CHRM3: variants seen among roughly 807,000 people sequenced by gnomAD.
CHRM3 encodes cholinergic receptor muscarinic 3.
CHRM3 carries 11 observed loss-of-function variants against 41.8 expected under a neutral mutation model. The ratio of observed to expected loss-of-function variants is 0.26; its 90% confidence interval spans 0.17 to 0.44. CHRM3 has a LOEUF of 0.44. Among genes scored for constraint, CHRM3 ranks in the 20% least tolerant of loss-of-function variants. The pLI is 1.00. For missense variants in CHRM3, 571 were observed against 745.4 expected (o/e 0.77, Z 2.72); for synonymous variants, 297 against 301.4 (o/e 0.99, Z 0.15).
At chr1:239,474,607 T>C (rs1243105533) in intron 1 of CHRM3, among the ~76,000 whole-genome samples, 1 of 152,060 alleles carries the variant, frequency 6.6e-6, no homozygotes, top group Non-Finnish European at 1.5e-5. Context: ...TATGGAAATA[T>C]AATGAGACAA....
intron 6 of CHRM3, among the ~76,000 whole-genome samples, chr1:239,901,664 T>C (rs1401532493): frequency 6.6e-6 from 1 of 152,190 alleles, no homozygotes; most frequent in Non-Finnish European, 1.5e-5. Flanking sequence ...TTTTAGATGG[T>C]TCTAAGTTAA....
intron 1 of CHRM3, among the ~76,000 whole-genome samples, chr1:239,442,467 TA>T (rs1335851143): frequency 6.6e-6 from 1 of 151,986 alleles, no homozygotes; most frequent in Non-Finnish European, 1.5e-5. Context: ...TTTTTTTCTT[TA>T]AGAGTTTAAA....
chr1:239,881,358 A>G, intron 6 of CHRM3, among the ~76,000 whole-genome samples: 1 of 143,442 alleles, frequency 7.0e-6, no homozygotes, highest in Admixed American at 7.1e-5. Context: ...GTGAGCTGCC[A>G]CCAGCTGGCC....
At chr1:239,544,728 C>T (rs1299937372) in intron 2 of CHRM3, among the ~76,000 whole-genome samples, 1 of 152,218 alleles carries the variant, frequency 6.6e-6, no homozygotes, top group Non-Finnish European at 1.5e-5. Flanking sequence ...CACTTTATAT[C>T]TATCTTGACA....
chr1:239,574,529 T>C (rs1032679027), intron 3 of CHRM3, among the ~76,000 whole-genome samples: 2 of 152,104 alleles, frequency 1.3e-5, no homozygotes, highest in Non-Finnish European at 2.9e-5. Flanking sequence ...CTACCTAGAC[T>C]ACCCTACTTA....
chr1:239,911,584 G>C lies in CHRM3; in HGVS notation c.*2360G>C, dbSNP rs1246128744. On this transcript the variant is annotated 3_prime_UTR_variant, in exon 7 of 7. Coordinates refer to ENST00000676153, the MANE Select transcript of CHRM3 (RefSeq NM_001375978.1). ...AGAAATAGAATTAAATTTGAGAAAAGGAGAAACCCTGAAATTTAACAGAAC... is the reference window on the plus strand; with the variant it reads ...AGAAATAGAATTAAATTTGAGAAAACGAGAAACCCTGAAATTTAACAGAAC... The C allele has an allele frequency of 6.0e-6, 1 of 166,128 alleles. No individual in the cohort carries two copies. Among genetic ancestry groups the C allele is most frequent in the South Asian group, 2.1e-4 (1 of 4,790 alleles). 10.3% of individuals were successfully genotyped at this position (166,128 alleles called of 1,614,324 possible). A position where few individuals can be genotyped will look rare whatever the true frequency, so the allele number is the denominator to read the frequency against.
At chr1:239,670,454 C>T (rs945413376) in intron 4 of CHRM3, among the ~76,000 whole-genome samples, 28 of 152,002 alleles carry the variant, frequency 1.8e-4, no homozygotes, top group African/African-American at 6.3e-4. Flanking sequence ...TTTAAGATTC[C>T]ATTGCATGAC....
At chr1:239,762,431 A>C (rs1253296587) in intron 5 of CHRM3, among the ~76,000 whole-genome samples, 2 of 152,222 alleles carry the variant, frequency 1.3e-5, no homozygotes, top group Non-Finnish European at 2.9e-5. Flanking sequence ...TGCATAGAAC[A>C]AAGTGTGTGG....
intron 6 of CHRM3, among the ~76,000 whole-genome samples, chr1:239,901,677 T>C (rs1679584401): frequency 6.6e-6 from 1 of 152,198 alleles, no homozygotes. Context: ...TAAGTTAATA[T>C]ATATCTAGTT....
intron 1 of CHRM3, among the ~76,000 whole-genome samples, chr1:239,397,430 T>C (rs1299626952): frequency 1.3e-5 from 2 of 152,012 alleles, no homozygotes; most frequent in African/African-American, 4.8e-5. Flanking sequence ...CCCAGCACTT[T>C]GGGAGGTCGA....
At chr1:239,701,499 T>C (rs1660682641) in intron 5 of CHRM3, among the ~76,000 whole-genome samples, 1 of 152,054 alleles carries the variant, frequency 6.6e-6, no homozygotes, top group Non-Finnish European at 1.5e-5. Flanking sequence ...TGTCAAGTTC[T>C]CCTCCTTGTT....
intron 4 of CHRM3, among the ~76,000 whole-genome samples, chr1:239,670,258 C>T (rs1043995566): frequency 2.6e-5 from 4 of 152,134 alleles, no homozygotes; most frequent in Admixed American, 2.6e-4. Flanking sequence ...CATGCCACCC[C>T]CACCCCAAGC....
intron 3 of CHRM3, among the ~76,000 whole-genome samples, chr1:239,563,534 A>T (rs1339307488): frequency 6.6e-6 from 1 of 152,130 alleles, no homozygotes; most frequent in African/African-American, 2.4e-5. Context: ...AATCTAAAAG[A>T]TTTTTCAATA....
At chr1:239,672,610 A>G (rs940570231) in intron 4 of CHRM3, among the ~76,000 whole-genome samples, 6 of 151,342 alleles carry the variant, frequency 4.0e-5, no homozygotes, top group African/African-American at 1.2e-4. Context: ...ACACACACAC[A>G]CACACACACA....
intron 5 of CHRM3, among the ~76,000 whole-genome samples, chr1:239,817,978 C>T (rs1354360952): frequency 6.6e-6 from 1 of 152,172 alleles, no homozygotes; most frequent in Non-Finnish European, 1.5e-5. Context: ...ATTAGACGAG[C>T]TAATAGTATG....
chr1:239,551,758 G>A (rs1229078057), intron 3 of CHRM3, among the ~76,000 whole-genome samples: 1 of 152,124 alleles, frequency 6.6e-6, no homozygotes, highest in East Asian at 1.9e-4. Context: ...TCAAACATGG[G>A]CTAATGAGAT....
At chr1:239,484,884 TA>T (rs1187660432) in intron 1 of CHRM3, among the ~76,000 whole-genome samples, 1 of 151,996 alleles carries the variant, frequency 6.6e-6, no homozygotes, top group Non-Finnish European at 1.5e-5. Context: ...AGGGATCTTA[TA>T]AAAAAGGCCT....
rs6678688 is a variant in CHRM3 at position 239,393,005 on chromosome 1, T to C, written c.-521+5778T>C. On this transcript the variant is annotated intron_variant, in intron 1 of 6. Transcript: ENST00000676153. The stretch of plus-strand genomic sequence containing the variant: ...GTATTTTGTAGACTCACAATCCATA[T>C]AAATTTTGGCTGAGCATAGTGGCAT... Among the ~76,000 whole-genome samples the C allele has an allele frequency of 4.8e-3, 731 of 152,238 alleles. 4 individuals carry two copies. The highest frequency in any genetic ancestry group is 0.017 in the African/African-American group (688 of 41,546).
At chr1:239,576,798 A>G (rs1255873291) in intron 3 of CHRM3, among the ~76,000 whole-genome samples, 2 of 151,876 alleles carry the variant, frequency 1.3e-5, no homozygotes, top group African/African-American at 2.4e-5. Context: ...TAAAAAAAAA[A>G]AAAAGAAAAT....
Sources: allele counts gnomAD v4.1 joint callset (sites outside exome capture counted in the v4.1 genomes callset), GRCh38; gene constraint gnomAD v4.1.1; transcripts MANE v1.5; gene names NCBI Gene and HGNC (gene_info 2026-07-23, HGNC 2026-07-21).